TAFA1: variants seen among roughly 807,000 people sequenced by gnomAD.
TAFA1 encodes chemokine-like protein TAFA-1.
Under a neutral mutation model 18.5 loss-of-function variants are expected in TAFA1, and 4 were observed. That is an observed-to-expected ratio of 0.22 (90% confidence interval 0.11 to 0.49). The LOEUF is 0.49. TAFA1 is among the 20% of genes least tolerant of loss of function. The pLI is 0.98. For missense variants in TAFA1, 147 were observed against 169.0 expected (o/e 0.87, Z 0.72); for synonymous variants, 56 against 55.2 (o/e 1.01, Z -0.06).
At position 68,531,013 on chromosome 3, in the gene TAFA1, C is replaced by CAA. The variant is rs1367893240; in HGVS notation, c.260-7742_260-7741dup. 4.3e-3 allele frequency among the ~76,000 whole-genome samples: 423 copies of CAA among 98,854 alleles called. 2 individuals are homozygous for CAA. The highest frequency in any genetic ancestry group is 0.015 in the African/African-American group (383 of 25,386). The allele number at this position is 98,854 out of a possible 152,430, so 64.9% of individuals were successfully genotyped here. A position where few individuals can be genotyped will look rare whatever the true frequency, so the allele number is the denominator to read the frequency against. ...GAATTAGCATTATAATGATTAACAA[C>CAA]AACAACAAAACAAAACAAAACAAAA... On this transcript the variant is annotated intron_variant, in intron 3 of 4. Transcript: ENST00000478136.
chr3:68,055,534 T>C (rs1020887955), intron 2 of TAFA1, among the ~76,000 whole-genome samples: 5 of 151,954 alleles, frequency 3.3e-5, no homozygotes, highest in African/African-American at 1.2e-4. Context: ...TGAAGCAGAG[T>C]AAGTGCTTCC....
At chr3:68,272,877 C>G (rs2067702325) in intron 2 of TAFA1, among the ~76,000 whole-genome samples, 1 of 152,116 alleles carries the variant, frequency 6.6e-6, no homozygotes, top group Admixed American at 6.6e-5. Context: ...TAGTTAGAAA[C>G]TGAGCTGGAC....
At chr3:68,409,024 T>C (rs1318299198) in intron 2 of TAFA1, among the ~76,000 whole-genome samples, 2 of 152,160 alleles carry the variant, frequency 1.3e-5, no homozygotes, top group Admixed American at 1.3e-4. Flanking sequence ...ATGCACACTA[T>C]AAATATTATT....
chr3:68,300,348 G>C (rs1334038472), intron 2 of TAFA1, among the ~76,000 whole-genome samples: 1 of 152,170 alleles, frequency 6.6e-6, no homozygotes, highest in Non-Finnish European at 1.5e-5. Context: ...GGAAGCTGTA[G>C]CCCTTTTGTT....
intron 2 of TAFA1, among the ~76,000 whole-genome samples, chr3:68,253,228 A>G (rs1324023067): frequency 6.6e-6 from 1 of 152,192 alleles, no homozygotes; most frequent in African/African-American, 2.4e-5. Flanking sequence ...CACTCGATAA[A>G]GGTTACCTTT....
chr3:68,200,643 A>T (rs116112292), intron 2 of TAFA1, among the ~76,000 whole-genome samples: 3,002 of 151,702 alleles, frequency 0.02, 111 homozygotes, highest in African/African-American at 0.068. Context: ...TTCCTTTATT[A>T]TACTTTCAAT....
chr3:68,075,342 G>T (rs1294287571), intron 2 of TAFA1, among the ~76,000 whole-genome samples: 1 of 152,026 alleles, frequency 6.6e-6, no homozygotes, highest in Non-Finnish European at 1.5e-5. Flanking sequence ...CTTCCCCTTT[G>T]TTCCTTTTCT....
rs185454714 is a variant in TAFA1 at position 68,130,305 on chromosome 3, C to T, written c.118+123561C>T. Reference sequence around the variant, plus strand: ...TATTTAATTCCAAGAATTTTAGGCACTAGAGCAGTTTGCTGCGGACATTTG... The same window carrying T: ...TATTTAATTCCAAGAATTTTAGGCATTAGAGCAGTTTGCTGCGGACATTTG... On this transcript the variant is annotated intron_variant, in intron 2 of 4. Coordinates refer to ENST00000478136, the MANE Select transcript of TAFA1 (RefSeq NM_213609.4). Among the ~76,000 whole-genome samples, 6 of 152,308 alleles carry T rather than the reference C, an allele frequency of 3.9e-5. No homozygotes were observed. The East Asian group carries it at 1.2e-3, about 29-fold the overall frequency.
chr3:68,455,464 A>G (rs2071644599), intron 3 of TAFA1, among the ~76,000 whole-genome samples: 1 of 152,162 alleles, frequency 6.6e-6, no homozygotes, highest in Non-Finnish European at 1.5e-5. Flanking sequence ...GCAGTCTTCA[A>G]TAATTGGAAT....
At chr3:68,409,874 G>A (rs2070679392) in intron 2 of TAFA1, among the ~76,000 whole-genome samples, 2 of 152,128 alleles carry the variant, frequency 1.3e-5, no homozygotes, top group African/African-American at 2.4e-5. Context: ...CAAGCTTTTA[G>A]TCATCTGCCT....
intron 2 of TAFA1, among the ~76,000 whole-genome samples, chr3:68,416,711 T>C (rs1266248215): frequency 6.6e-6 from 1 of 152,234 alleles, no homozygotes; most frequent in South Asian, 2.1e-4. Context: ...TTTGAGACAT[T>C]GTTTAAAGCA....
At chr3:68,251,292 G>C (rs1165017131) in intron 2 of TAFA1, among the ~76,000 whole-genome samples, 1 of 152,164 alleles carries the variant, frequency 6.6e-6, no homozygotes, top group Non-Finnish European at 1.5e-5. Context: ...TGCCCACAGT[G>C]TGGCATTTCC....
chr3:68,335,105 T>G (rs146487715), intron 2 of TAFA1, among the ~76,000 whole-genome samples: 1 of 152,208 alleles, frequency 6.6e-6, no homozygotes, highest in Non-Finnish European at 1.5e-5. Flanking sequence ...TCATGAGAAA[T>G]GTGTTTGCAT....
intron 2 of TAFA1, among the ~76,000 whole-genome samples, chr3:68,365,856 G>A (rs1212899213): frequency 2.0e-5 from 3 of 152,098 alleles, no homozygotes; most frequent in African/African-American, 7.2e-5. Context: ...GGTAGGCCAA[G>A]GCGGGCGGAT....
intron 2 of TAFA1, among the ~76,000 whole-genome samples, chr3:68,375,524 T>A (rs2069792575): frequency 6.6e-6 from 1 of 152,188 alleles, no homozygotes; most frequent in African/African-American, 2.4e-5. Context: ...ACATTTTGTA[T>A]ATAAATAAGC....
At chr3:68,262,288 T>G (rs1193818642) in intron 2 of TAFA1, among the ~76,000 whole-genome samples, 2 of 135,048 alleles carry the variant, frequency 1.5e-5, no homozygotes, top group Non-Finnish European at 3.2e-5. Context: ...ATTTTCAGCT[T>G]TTATTTTAGA....
intron 2 of TAFA1, among the ~76,000 whole-genome samples, chr3:68,082,815 T>G (rs1376721162): frequency 6.6e-6 from 1 of 152,212 alleles, no homozygotes; most frequent in African/African-American, 2.4e-5. Context: ...TGGAGGCATC[T>G]AAAAATGTAA....
At chr3:68,450,008 G>A (rs2071543377) in intron 3 of TAFA1, among the ~76,000 whole-genome samples, 1 of 152,162 alleles carries the variant, frequency 6.6e-6, no homozygotes, top group Non-Finnish European at 1.5e-5. Flanking sequence ...CCAGACTCAT[G>A]GAAAATGGGT....
chr3:68,278,551 A>G (rs2067836633), intron 2 of TAFA1, among the ~76,000 whole-genome samples: 1 of 152,144 alleles, frequency 6.6e-6, no homozygotes, highest in Non-Finnish European at 1.5e-5. Flanking sequence ...CTTAAAGCTC[A>G]CAGCCATGCA....
Sources: gnomAD v4.1 joint callset for allele counts (sites outside exome capture counted in the v4.1 genomes callset) on GRCh38, gnomAD v4.1.1 for gene constraint, MANE v1.5 for transcripts, NCBI Gene and HGNC (gene_info 2026-07-23, HGNC 2026-07-21) for gene names.